Variants in ERG observed in about 807,000 individuals in gnomAD.
ERG encodes transcriptional regulator ERG.
Under a neutral mutation model 55.3 loss-of-function variants are expected in ERG, and 9 were observed. The observed-to-expected ratio is 0.16, with a 90% confidence interval of 0.10 to 0.28. The LOEUF (loss-of-function observed/expected upper bound fraction) is 0.28. Ranked by LOEUF, ERG falls within the 10% of genes least tolerant of loss-of-function variation. The pLI, the probability that ERG is intolerant of heterozygous loss-of-function variation, is 1.00. For synonymous variants in ERG, 223 were observed against 237.3 expected (o/e 0.94, Z 0.55); for missense variants, 434 against 631.6 (o/e 0.69, Z 3.35).
At chr21:38,450,640 T>C (rs1043466853) in intron 1 of ERG, among the ~76,000 whole-genome samples, 3 of 152,190 alleles carry the variant, frequency 2.0e-5, no homozygotes, top group Non-Finnish European at 4.4e-5. Flanking sequence ...ATAAATAGCT[T>C]ATCCACCAAA....
rs369553043 is a variant in ERG at position 38,654,204 on chromosome 21, G to A, written c.-150+7454C>T. On this transcript the variant is annotated intron_variant, in intron 1 of 10. Transcript: ENST00000398910. ...TATAAAATCCTTTTACTGGCTGGGC[G>A]CAGTGGCTCACGCCTGTAATCCCAG... 5.9e-5 allele frequency among the ~76,000 whole-genome samples: 9 copies of A among 152,334 alleles called. No individual in the cohort carries two copies. The East Asian group carries it at 1.2e-3, about 20-fold the overall frequency.
At chr21:38,567,780 G>A (rs545562533) in intron 2 of ERG, among the ~76,000 whole-genome samples, 6 of 152,182 alleles carry the variant, frequency 3.9e-5, no homozygotes, top group Admixed American at 2.6e-4. Flanking sequence ...CACCAGCCCC[G>A]AGACATCGCC....
chr21:38,401,709 G>A (rs1216034173), intron 5 of ERG, among the ~76,000 whole-genome samples: 1 of 152,182 alleles, frequency 6.6e-6, no homozygotes, highest in Non-Finnish European at 1.5e-5. Flanking sequence ...GGTCCCTGCA[G>A]CTAACAGAGT....
chr21:38,404,455 C>G (rs1056785863), intron 3 of ERG, among the ~76,000 whole-genome samples: 1 of 152,172 alleles, frequency 6.6e-6, no homozygotes, highest in Non-Finnish European at 1.5e-5. Flanking sequence ...ACCTATGGGA[C>G]AGGGAGAGCA....
chr21:38,465,470 A>G (rs766304214), intron 1 of ERG, among the ~76,000 whole-genome samples: 1 of 152,236 alleles, frequency 6.6e-6, no homozygotes, highest in African/African-American at 2.4e-5. Context: ...TAATCCTATA[A>G]TGTTGGATAC....
At chr21:38,615,430 CA>C (rs377634621) in intron 1 of ERG, among the ~76,000 whole-genome samples, 2 of 151,890 alleles carry the variant, frequency 1.3e-5, no homozygotes, top group African/African-American at 4.8e-5. Context: ...GAAGGCATCT[CA>C]AAAAATGCAA....
chr21:38,518,109 A>G (rs901948449), intron 2 of ERG, among the ~76,000 whole-genome samples: 1 of 152,174 alleles, frequency 6.6e-6, no homozygotes, highest in African/African-American at 2.4e-5. Flanking sequence ...GAGGACTTGC[A>G]ATGTTCCTGA....
upstream of ERG, chr21:38,498,635 A>ATT: frequency 3.2e-5 from 10 of 313,260 alleles, no homozygotes; most frequent in Non-Finnish European, 4.6e-5. The surrounding 1 kb of genome is among the most constrained non-coding windows in gnomAD (Gnocchi z 4.6). Flanking sequence ...CAGCCAGGAG[A>ATT]TTTTTTTTTT....
chr21:38,400,248 C>T, intron 6 of ERG: 1 of 458,692 alleles, frequency 2.2e-6, no homozygotes, highest in South Asian at 2.0e-5. Context: ...TTGTGCTCTT[C>T]CCCCGAGGAG....
rs538975370 is a variant in ERG, at chr21:38,611,495, GAAGGCAACTGGC to G, written c.-149-26562_-149-26551del. Among the ~76,000 whole-genome samples, 399 of 152,150 alleles carry G rather than the reference GAAGGCAACTGGC, an allele frequency of 2.6e-3. 1 individual carries two copies. Among genetic ancestry groups the G allele is most frequent in the Non-Finnish European group, 3.6e-3 (243 of 68,004 alleles). On this transcript the variant is annotated intron_variant, in intron 1 of 10. Coordinates refer to the ERG transcript ENST00000398910. ...ACCTCCCTGCTGCTCCTCAAGCTCA[GAAGGCAACTGGC>G]AAGGCAACTGGCTGTTCCATGTGTC...
chr21:38,499,377 C>T (rs1378183733), upstream of ERG, among the ~76,000 whole-genome samples: 3 of 152,154 alleles, frequency 2.0e-5, no homozygotes, highest in Admixed American at 6.5e-5. Context: ...GGAAGTACAG[C>T]GAATGCAGGC....
At chr21:38,395,832 C>T (rs1209701380) in intron 6 of ERG, among the ~76,000 whole-genome samples, 1 of 152,202 alleles carries the variant, frequency 6.6e-6, no homozygotes, top group Admixed American at 6.5e-5. Context: ...ATTCTGGCTA[C>T]CCTTTCCTGG....
At chr21:38,617,550 T>A (rs2060265966) in intron 1 of ERG, among the ~76,000 whole-genome samples, 1 of 152,242 alleles carries the variant, frequency 6.6e-6, no homozygotes, top group African/African-American at 2.4e-5. Context: ...AGGGTCTTAA[T>A]GGATGTGTTT....
At chr21:38,378,711 G>A (rs912357441), downstream of ERG, among the ~76,000 whole-genome samples, 1 of 152,158 alleles carries the variant, frequency 6.6e-6, no homozygotes, top group Non-Finnish European at 1.5e-5. Context: ...GCAGTCTAAT[G>A]TATAACAAAT....
chr21:38,660,840 A>G (rs1304217226), intron 1 of ERG, among the ~76,000 whole-genome samples: 1 of 150,110 alleles, frequency 6.7e-6, no homozygotes, highest in Non-Finnish European at 1.5e-5. Flanking sequence ...AGCGCGCGGG[A>G]GTCTTCGAGT....
intron 2 of ERG, among the ~76,000 whole-genome samples, chr21:38,573,474 G>A (rs1217222456): frequency 6.6e-6 from 1 of 152,242 alleles, no homozygotes; most frequent in Non-Finnish European, 1.5e-5. Flanking sequence ...GGTGGAAGGT[G>A]AGACATGTTT....
chr21:38,550,150 G>A (rs529951754), intron 2 of ERG, among the ~76,000 whole-genome samples: 9 of 152,266 alleles, frequency 5.9e-5, no homozygotes, highest in South Asian at 2.1e-4. Flanking sequence ...AAGAGGATCC[G>A]GAAACCTTTT....
chr21:38,643,759 CA>C (rs1475317565), intron 1 of ERG, among the ~76,000 whole-genome samples: 1 of 152,088 alleles, frequency 6.6e-6, no homozygotes, highest in Non-Finnish European at 1.5e-5. Context: ...CATTTTGGGT[CA>C]ATGTAAAGGA....
At chr21:38,584,679 A>G (rs2060051495) in intron 1 of ERG, among the ~76,000 whole-genome samples, 1 of 152,200 alleles carries the variant, frequency 6.6e-6, no homozygotes, top group Admixed American at 6.5e-5. Flanking sequence ...GTCATGTAGA[A>G]CCAACATAAT....
Sources: allele counts gnomAD v4.1 joint callset (sites outside exome capture counted in the v4.1 genomes callset), GRCh38; gene constraint gnomAD v4.1.1; non-coding constraint Gnocchi (gnomAD v3.1); transcripts MANE v1.5; gene names NCBI Gene and HGNC (gene_info 2026-07-23, HGNC 2026-07-21).